The following NCAN variants were observed in gnomAD, a reference collection of about 807,000 sequenced individuals.
NCAN encodes neurocan.
A neutral mutation model predicts 121.8 loss-of-function variants in NCAN; 47 were observed. That is an observed-to-expected ratio of 0.39 (90% CI 0.31 to 0.49). The LOEUF (loss-of-function observed/expected upper bound fraction) is 0.49. Among genes scored for constraint, NCAN ranks in the 20% least tolerant of loss-of-function variants. The probability of loss-of-function intolerance (pLI) is 0.92; values close to 1 mark genes in which losing one functional copy is unlikely to be tolerated. For missense variants in NCAN, 1,517 were observed against 1,773.4 expected, an observed-to-expected ratio of 0.86 and a Z score of 2.60; for synonymous variants, 633 against 702.0, an observed-to-expected ratio of 0.90 and a Z score of 1.55.
intron 8 of NCAN, among the ~76,000 whole-genome samples, chr19:19,233,252 T>C (rs1201730076): frequency 1.3e-5 from 2 of 151,996 alleles, no homozygotes; most frequent in African/African-American, 2.4e-5. Context: ...TTTAATTTAA[T>C]TTTTCAAAAA....
rs576195588 is a variant in NCAN, at chr19:19,212,876, C to T, written c.-8+812C>T. ...GGCTGTCCCCCAGCACCTTCACAGC[C>T]TCCCACGTCCTTACAGCATGACACA... is the stretch of plus-strand genomic sequence containing the variant. On this transcript the variant is annotated intron_variant, in intron 1 of 14. Coordinates refer to ENST00000252575, the MANE Select transcript of NCAN (RefSeq NM_004386.3). The surrounding 1 kb of genome is among the most constrained non-coding windows in gnomAD (Gnocchi z 4.5). 1.5e-3 allele frequency among the ~76,000 whole-genome samples: 235 copies of T among 152,314 alleles called. No homozygotes were observed. The highest frequency in any genetic ancestry group is 5.5e-3 in the African/African-American group (228 of 41,566).
chr19:19,220,014 G>A (rs182492826), intron 3 of NCAN, among the ~76,000 whole-genome samples: 2,129 of 151,938 alleles, frequency 0.014, 26 homozygotes, highest in Non-Finnish European at 0.023. Flanking sequence ...GCCACACCGC[G>A]AGACTCTGTC....
intron 3 of NCAN, among the ~76,000 whole-genome samples, chr19:19,223,257 C>T (rs766365141): frequency 1.3e-5 from 2 of 152,182 alleles, no homozygotes; most frequent in Non-Finnish European, 2.9e-5. Context: ...GCCTTCTCCA[C>T]ACCTCCTGCC....
At position 19,251,835 on chromosome 19, in the gene NCAN, TAATA is replaced by T. The variant is rs2060947318; in HGVS notation, c.*1926_*1929del. ...TTTGATAACTCTTCTTAGTTTAAAATAATAATAATAACACATCTTTGGTCATCTA... is the reference window on the plus strand; with the variant it reads ...TTTGATAACTCTTCTTAGTTTAAAATATAATAACACATCTTTGGTCATCTA... On this transcript the variant is annotated 3_prime_UTR_variant, in exon 15 of 15. Coordinates refer to ENST00000252575, the MANE Select transcript of NCAN (RefSeq NM_004386.3). 2 of 151,776 alleles carry T rather than the reference TAATA, an allele frequency of 1.3e-5. No homozygotes were observed. The highest frequency in any genetic ancestry group is 2.4e-5 in the African/African-American group (1 of 41,296). 9.4% of individuals were successfully genotyped at this position (151,776 alleles called of 1,614,324 possible).
rs1381240339 is a variant in NCAN at position 19,226,874 on chromosome 19, T to G, written c.1461T>G (p.Asn487Lys). 1 of 1,612,304 alleles carries G rather than the reference T, an allele frequency of 6.2e-7. No individual in the cohort carries two copies. Among genetic ancestry groups the G allele is most frequent in the East Asian group, 2.2e-5 (1 of 44,862 alleles). The stretch of plus-strand genomic sequence containing the variant: ...GAAGGGGGCGCTTCAAAGGGTTGAA[T>G]GGGCGCTACTTCCAGCAGCAGGAAC... ...PRRRGRFKGL[N>K]GRYFQQQEPE... The change falls in exon 7 of 15, where the codon AAT becomes AAG. Residue 487 changes from asparagine (N) to lysine (K), a missense_variant. Asn to Lys is a moderately conservative substitution (Grantham distance 94). Coordinates refer to ENST00000252575, the MANE Select transcript of NCAN (RefSeq NM_004386.3).
Position 19,224,996 on chromosome 19 carries a change from C to T in NCAN, c.798C>T (p.Gly266=). 1.4e-6 allele frequency: 2 copies of T among 1,456,368 alleles called. No individual in the cohort carries two copies. The highest frequency in any genetic ancestry group is 1.8e-6 in the Non-Finnish European group (2 of 1,111,190). The allele number at this position is 1,456,368 out of a possible 1,614,324, so 90.2% of individuals were successfully genotyped here. A position where few individuals can be genotyped will look rare whatever the true frequency, so the allele number is the denominator to read the frequency against. ...CCGCAGGCGAGGTCTTCTACGTGGG[C>T]CCGGCCCGCCGCCTGACACTGGCCG... The part of the protein sequence containing the change: ...RELGGEVFYV[G]PARRLTLAGA... Residue 266 remains glycine, a synonymous_variant, in exon 6 of 15, where the codon GGC becomes GGT. Transcript: ENST00000252575.
intron 13 of NCAN, 135 bp downstream of exon 13, chr19:19,245,592 C>A: frequency 9.9e-7 from 1 of 1,008,544 alleles, no homozygotes; most frequent in Non-Finnish European, 1.4e-6. Context: ...ATCCTCCTGC[C>A]TCAGCTTCCC....
chr19:19,227,485 T>C lies in NCAN; in HGVS notation c.1865T>C (p.Phe622Ser). The change falls in exon 8 of 15, where the codon TTC becomes TCC. Residue 622 changes from phenylalanine (F) to serine (S), a missense_variant. Transcript: ENST00000252575. This position sits in a 1 kb window ranked among gnomAD's most constrained non-coding sequence, Gnocchi z 4.2. ...SAPSPAPWEAFPVATSPDLPM... is the reference protein window; with the variant it reads ...SAPSPAPWEASPVATSPDLPM... Reference sequence around the variant, plus strand: ...CCCAGCCCTGCCCCCTGGGAGGCATTCCCTGTGGCCACCTCCCCAGATCTC... The same window carrying C: ...CCCAGCCCTGCCCCCTGGGAGGCATCCCCTGTGGCCACCTCCCCAGATCTC... 1 of 1,613,428 alleles carries C rather than the reference T, an allele frequency of 6.2e-7. No individual in the cohort carries two copies. The highest frequency in any genetic ancestry group is 8.5e-7 in the Non-Finnish European group (1 of 1,179,824).
rs533994895 is a variant in NCAN, at chr19:19,225,661, G to A, written c.1072+391G>A. ...ATAATGCCTCAATTGGCCACCTCTGGGCACCACACCGGATGTGGGAGCAGG... is the reference window on the plus strand; with the variant it reads ...ATAATGCCTCAATTGGCCACCTCTGAGCACCACACCGGATGTGGGAGCAGG... On this transcript the variant is annotated intron_variant, in intron 6 of 14. Coordinates refer to ENST00000252575, the MANE Select transcript of NCAN (RefSeq NM_004386.3). This position sits in a 1 kb window ranked among gnomAD's most constrained non-coding sequence, Gnocchi z 4.0. 6.6e-6 allele frequency among the ~76,000 whole-genome samples: 1 copy of A among 152,314 alleles called. No homozygotes were observed. The highest frequency in any genetic ancestry group is 1.9e-4 in the East Asian group (1 of 5,174).
chr19:19,252,118 G>A lies in NCAN; in HGVS notation c.*2207G>A, dbSNP rs1462441960. 6.5e-6 allele frequency: 1 copy of A among 152,882 alleles called. No individual in the cohort carries two copies. Among genetic ancestry groups the A allele is most frequent in the African/African-American group, 2.4e-5 (1 of 41,442 alleles). The allele number at this position is 152,882 out of a possible 1,614,324, so 9.5% of individuals were successfully genotyped here. A position where few individuals can be genotyped will look rare whatever the true frequency, so the allele number is the denominator to read the frequency against. The stretch of plus-strand genomic sequence containing the variant: ...ATATGAGTGTGTGTGCGTGTGAACG[G>A]CTTTGGGTCCTGCTGGTTTTGCTGT... On this transcript the variant is annotated 3_prime_UTR_variant, in exon 15 of 15. Coordinates refer to ENST00000252575, the MANE Select transcript of NCAN (RefSeq NM_004386.3).
rs752326491 is a variant in NCAN, at chr19:19,217,037, T to C, written c.73+11T>C. 1.5e-6 allele frequency: 2 copies of C among 1,311,128 alleles called. No individual in the cohort carries two copies. The highest frequency in any genetic ancestry group is 2.8e-5 in the East Asian group (1 of 35,628). The allele number at this position is 1,311,128 out of a possible 1,614,324, so 81.2% of individuals were successfully genotyped here. Reference sequence around the variant, plus strand: ...TGGCTGGGGAACAGGGTGAGTTGGTTTGTGGGGAGGGAGAGATTGGGGTCT... The same window carrying C: ...TGGCTGGGGAACAGGGTGAGTTGGTCTGTGGGGAGGGAGAGATTGGGGTCT... On this transcript the variant is annotated intron_variant, in intron 2 of 14. Transcript: ENST00000252575.
Position 19,228,594 on chromosome 19 carries a change from G to T in NCAN, c.2974G>T (p.Glu992Ter). 1.2e-6 allele frequency: 2 copies of T among 1,612,724 alleles called. No homozygotes were observed. Among genetic ancestry groups the T allele is most frequent in the Non-Finnish European group, 1.7e-6 (2 of 1,179,804 alleles). Residue 992 changes from glutamate to a stop codon, truncating the protein, a stop_gained, in exon 8 of 15, where the codon GAG becomes TAG. Transcript: ENST00000252575. LOFTEE classifies it high-confidence loss of function. ...SFWEEVASGE[E>*]PALPGTPMNA... is the part of the protein sequence containing the mutation. Reference sequence around the variant, plus strand: ...CTGGGAGGAGGTGGCAAGTGGAGAGGAGCCAGCCCTGCCAGGGACCCCTAT... The same window carrying T: ...CTGGGAGGAGGTGGCAAGTGGAGAGTAGCCAGCCCTGCCAGGGACCCCTAT...
rs1372954904 is a variant in NCAN, at chr19:19,238,401, C to T, written c.3399C>T (p.Ser1133=). 3 of 1,614,150 alleles carry T rather than the reference C, an allele frequency of 1.9e-6. No individual in the cohort carries two copies. Among genetic ancestry groups the T allele is most frequent in the Admixed American group, 1.7e-5 (1 of 60,016 alleles). The change falls in exon 11 of 15, where the codon AGC becomes AGT. Residue 1133 remains serine (S), a synonymous_variant. Coordinates refer to ENST00000252575, the MANE Select transcript of NCAN (RefSeq NM_004386.3). ...LTSVHSPEEH[S]FINSFGHENT... is the part of the protein sequence containing the mutation. ...GCGTCCACTCACCGGAGGAACACAG[C>T]TTCATTAATAGTAGGGGCTCTGGGG...
intron 10 of NCAN, among the ~76,000 whole-genome samples, chr19:19,236,027 A>G (rs1231110378): frequency 6.6e-6 from 1 of 152,204 alleles, no homozygotes; most frequent in East Asian, 1.9e-4. Flanking sequence ...GATTACAGCC[A>G]CTGAGCCCAG....
intron 2 of NCAN, among the ~76,000 whole-genome samples, chr19:19,217,880 G>A (rs544860405): frequency 5.9e-5 from 9 of 152,142 alleles, no homozygotes; most frequent in East Asian, 1.9e-4. Context: ...CCATCTTCTC[G>A]GGAGGCTGAG....
Position 19,228,172 on chromosome 19 carries a change from T to G in NCAN, c.2552T>G (p.Phe851Cys). The G allele has an allele frequency of 6.2e-7, 1 of 1,613,832 alleles. No individual in the cohort carries two copies. Among genetic ancestry groups the G allele is most frequent in the Non-Finnish European group, 8.5e-7 (1 of 1,180,018 alleles). The change falls in exon 8 of 15, where the codon TTT becomes TGT. Residue 851 changes from phenylalanine (F) to cysteine (C), a missense_variant. Phe to Cys is a radical substitution (Grantham distance 205, BLOSUM62 -2). Transcript: ENST00000252575. The stretch of plus-strand genomic sequence containing the variant: ...ATTTGGGAACCTGGATCCCAGGTGT[T>G]TGAAGAAGCCGAAAGCACCACCTTG... ...SGIWEPGSQV[F>C]EEAESTTLSP... is the part of the protein sequence containing the mutation.
Position 19,225,351 on chromosome 19 carries a change from A to G in NCAN, c.1072+81A>G. 7.1e-7 allele frequency: 1 copy of G among 1,406,270 alleles called. No homozygotes were observed. The highest frequency in any genetic ancestry group is 2.9e-5 in the East Asian group (1 of 34,892). The allele number at this position is 1,406,270 out of a possible 1,614,324, so 87.1% of individuals were successfully genotyped here. ...CGTCCCTGAAAGCCTCGCCAAGCCA[A>G]GGGAGAGACACATGGAAGCTCGCTT... is the stretch of plus-strand genomic sequence containing the variant. On this transcript the variant is annotated intron_variant, in intron 6 of 14. Coordinates refer to ENST00000252575, the MANE Select transcript of NCAN (RefSeq NM_004386.3). This position sits in a 1 kb window ranked among gnomAD's most constrained non-coding sequence, Gnocchi z 4.0.
chr19:19,233,286 A>G (rs1171201617), intron 8 of NCAN, among the ~76,000 whole-genome samples: 4 of 151,752 alleles, frequency 2.6e-5, no homozygotes, highest in Admixed American at 1.3e-4. Context: ...GGGCAGTGGA[A>G]TGGTCAGATG....
rs770616255 is a variant in NCAN at position 19,227,230 on chromosome 19, C to A, written c.1661-51C>A. The A allele has an allele frequency of 6.6e-7, 1 of 1,509,476 alleles. No individual in the cohort carries two copies. The highest frequency in any genetic ancestry group is 8.8e-7 in the Non-Finnish European group (1 of 1,131,014). The allele number at this position is 1,509,476 out of a possible 1,614,324, so 93.5% of individuals were successfully genotyped here. On this transcript the variant is annotated intron_variant, in intron 7 of 14. Coordinates refer to ENST00000252575, the MANE Select transcript of NCAN (RefSeq NM_004386.3). The surrounding 1 kb of genome is among the most constrained non-coding windows in gnomAD (Gnocchi z 4.2). ...CTCTCCCTTGGGCCTGGAGTCCAAC[C>A]AAAGGGGCTGCTGAGAGATCATTGT...
Sources: gnomAD v4.1 joint callset for allele counts (sites outside exome capture counted in the v4.1 genomes callset) on GRCh38, gnomAD v4.1.1 for gene constraint, Gnocchi (gnomAD v3.1) non-coding constraint, MANE v1.5 for transcripts, NCBI Gene and HGNC (gene_info 2026-07-23, HGNC 2026-07-21) for gene names.